VCP: variants seen among roughly 807,000 people sequenced by gnomAD.
VCP encodes valosin containing protein.
In VCP, 6 loss-of-function variants were observed where a neutral mutation model predicts 85.7. The ratio of observed to expected loss-of-function variants is 0.07; its 90% CI spans 0.04 to 0.14. VCP has a LOEUF of 0.14. Ranked by LOEUF, VCP falls within the 10% of genes least tolerant of loss-of-function variation. The pLI is 1.00. For missense variants in VCP, 353 were observed against 1,043.4 expected (o/e 0.34, Z 9.12); for synonymous variants, 384 against 367.1 (o/e 1.05, Z -0.53).
rs12349922 is a variant in VCP at position 35,061,698 on chromosome 9, C to A, written c.1082-9G>T. The A allele has an allele frequency of 1.2e-3, 1,962 of 1,610,278 alleles. 22 individuals are homozygous for A. In the African/African-American group the frequency reaches 0.022, roughly 18 times the overall value. On this transcript the variant is annotated splice_polypyrimidine_tract_variant and intron_variant, in intron 9 of 16. Transcript: ENST00000358901. ...CTCCCTGTCAAAGCGACCTGTGGGA[C>A]AGTACACAAACATAAACAGGGCTCA... is the stretch of plus-strand genomic sequence containing the variant.
rs1828985552 is a variant in VCP at position 35,072,622 on chromosome 9, G to A, written c.-269C>T. The stretch of plus-strand genomic sequence containing the variant: ...ACGACGGTCGCAGACGCTTCGCTGA[G>A]ACTGAGCCGAGAAGAGCCGAATCAT... On this transcript the variant is annotated 5_prime_UTR_variant, in exon 1 of 17. Coordinates refer to ENST00000358901, the MANE Select transcript of VCP (RefSeq NM_007126.5). The A allele has an allele frequency of 4.3e-6, 2 of 461,272 alleles. No individual in the cohort carries two copies. Among genetic ancestry groups the A allele is most frequent in the South Asian group, 3.5e-5 (1 of 28,550 alleles). The allele number at this position is 461,272 out of a possible 1,614,324, so 28.6% of individuals were successfully genotyped here. A position where few individuals can be genotyped will look rare whatever the true frequency, so the allele number is the denominator to read the frequency against.
Position 35,070,835 on chromosome 9 carries a change from C to G in VCP, c.17+1502G>C, listed in dbSNP as rs368589509. On this transcript the variant is annotated intron_variant, in intron 1 of 16. Coordinates refer to ENST00000358901, the MANE Select transcript of VCP (RefSeq NM_007126.5). ...CTGGAGATGAGTGGTATGCCCTTTTCTTAAGGTAAAGCCTCTAATTCCCCA... is the reference window on the plus strand; with the variant it reads ...CTGGAGATGAGTGGTATGCCCTTTTGTTAAGGTAAAGCCTCTAATTCCCCA... 9.8e-5 allele frequency among the ~76,000 whole-genome samples: 15 copies of G among 152,328 alleles called. No homozygotes were observed. The East Asian group carries it at 1.5e-3, about 16-fold the overall frequency.
rs144304208 is a variant in VCP, at chr9:35,060,937, G to A, written c.1360-14C>T. The A allele has an allele frequency of 1.9e-6, 3 of 1,614,184 alleles. No homozygotes were observed. The Admixed American group carries it at 5.0e-5, about 27-fold the overall frequency. On this transcript the variant is annotated splice_polypyrimidine_tract_variant and intron_variant, in intron 11 of 16. Transcript: ENST00000358901. ...GCTCAAGGCCCACTAGAAAAGGAGGGAAAACTGGGGATGAGACTTATCAAG... is the reference window on the plus strand; with the variant it reads ...GCTCAAGGCCCACTAGAAAAGGAGGAAAAACTGGGGATGAGACTTATCAAG...
chr9:35,066,262 CT>C (rs1828828157), intron 4 of VCP, among the ~76,000 whole-genome samples: 3 of 105,564 alleles, frequency 2.8e-5, no homozygotes, highest in African/African-American at 1.1e-4. Flanking sequence ...GAGACCCTGT[CT>C]CTTTTTTTTT....
intron 15 of VCP, among the ~76,000 whole-genome samples, chr9:35,058,095 T>C (rs1828646352): frequency 1.3e-5 from 2 of 152,194 alleles, no homozygotes; most frequent in Admixed American, 1.3e-4. Flanking sequence ...GGGCTGCTTA[T>C]TCCCTTTATT....
chr9:35,071,520 C>T (rs1288937213), intron 1 of VCP, among the ~76,000 whole-genome samples: 2 of 152,086 alleles, frequency 1.3e-5, no homozygotes, highest in African/African-American at 4.8e-5. Context: ...ACCACGAAAC[C>T]TGGAAATCTG....
Position 35,056,706 on chromosome 9 carries a change from G to T in VCP, c.*411C>A. On this transcript the variant is annotated 3_prime_UTR_variant, in exon 17 of 17. Coordinates refer to ENST00000358901, the MANE Select transcript of VCP (RefSeq NM_007126.5). ...TCTATATAAACATCCAGCAACTGTG[G>T]CCCCTACCCACCTACCCAGGTTGGA... The T allele has an allele frequency of 3.8e-6, 1 of 263,018 alleles. No individual in the cohort carries two copies. Among genetic ancestry groups the T allele is most frequent in the East Asian group, 8.9e-5 (1 of 11,206 alleles). 16.3% of individuals were successfully genotyped at this position (263,018 alleles called of 1,614,324 possible).
chr9:35,059,156 T>C lies in VCP; in HGVS notation c.2068A>G (p.Ile690Val), dbSNP rs1205247470. Residue 690 changes from isoleucine to valine, a missense_variant, in exon 15 of 17, where the codon ATT becomes GTT. Physicochemically the swap from Ile to Val is conservative, Grantham distance 29. This residue lies in a region of VCP where 93 missense variants were observed against 197.1 expected (regional missense o/e 0.47). Transcript: ENST00000358901. This position sits in a 1 kb window ranked among gnomAD's most constrained non-coding sequence, Gnocchi z 4.9. ...NGFSGADLTE[I>V]CQRACKLAIR... ...GCCAGCTTGCAAGCACGCTGGCAAATCTCTGTCAGGTCAGCTCCAGAGAAG... is the reference window on the plus strand; with the variant it reads ...GCCAGCTTGCAAGCACGCTGGCAAACCTCTGTCAGGTCAGCTCCAGAGAAG... 1.2e-6 allele frequency: 2 copies of C among 1,614,124 alleles called. No homozygotes were observed.
At position 35,056,974 on chromosome 9, in the gene VCP, G is replaced by A. The variant is rs1275623574; in HGVS notation, c.*143C>T. 1.5e-5 allele frequency: 12 copies of A among 820,128 alleles called. No homozygotes were observed. The highest frequency in any genetic ancestry group is 2.5e-5 in the Non-Finnish European group (12 of 483,118). The allele number at this position is 820,128 out of a possible 1,614,324, so 50.8% of individuals were successfully genotyped here. A position where few individuals can be genotyped will look rare whatever the true frequency, so the allele number is the denominator to read the frequency against. Reference sequence around the variant, plus strand: ...TTTTGCAACAGAAACCCCCTGTCCAGAGTCAGACTGTAGCTGAACTGTTCA... The same window carrying A: ...TTTTGCAACAGAAACCCCCTGTCCAAAGTCAGACTGTAGCTGAACTGTTCA... On this transcript the variant is annotated 3_prime_UTR_variant, in exon 17 of 17. Transcript: ENST00000358901.
intron 3 of VCP, among the ~76,000 whole-genome samples, chr9:35,067,611 A>G (rs1217668900): frequency 1.3e-5 from 2 of 152,222 alleles, no homozygotes; most frequent in Non-Finnish European, 2.9e-5. Context: ...GGATATAAGT[A>G]TGATAAATTA....
In VCP at chr9:35,066,730, G is replaced by C. The variant is rs1587128848; in HGVS notation, c.390C>G (p.Leu130=). Residue 130 remains leucine, a synonymous_variant, in exon 4 of 17, where the codon CTC becomes CTG. Transcript: ENST00000358901. The part of the protein sequence containing the change: ...DDTVEGITGN[L]FEVYLKPYFL... ...AGTACGGCTTAAGGTATACCTCGAA[G>C]AGATTACCAGTAATGCCTTCCACTG... The C allele has an allele frequency of 1.2e-6, 2 of 1,614,174 alleles. No individual in the cohort carries two copies. Among genetic ancestry groups the C allele is most frequent in the Non-Finnish European group, 8.5e-7 (1 of 1,180,038 alleles).
rs1337415717 is a variant in VCP at position 35,072,595 on chromosome 9, A to G, written c.-242T>C. On this transcript the variant is annotated 5_prime_UTR_variant, in exon 1 of 17. Coordinates refer to ENST00000358901, the MANE Select transcript of VCP (RefSeq NM_007126.5). ...GCAGCGGCAGCGGCAGCGACGACTC[A>G]AACGACGGTCGCAGACGCTTCGCTG... 1 of 487,586 alleles carries G rather than the reference A, an allele frequency of 2.1e-6. No individual in the cohort carries two copies. Among genetic ancestry groups the G allele is most frequent in the Admixed American group, 4.4e-5 (1 of 22,628 alleles). 30.2% of individuals were successfully genotyped at this position (487,586 alleles called of 1,614,324 possible). A position where few individuals can be genotyped will look rare whatever the true frequency, so the allele number is the denominator to read the frequency against.
At chr9:35,062,948 G>A (rs749229187) in intron 7 of VCP, 30 bp downstream of exon 7, 1 of 1,612,036 alleles carries the variant, frequency 6.2e-7, no homozygotes, top group Admixed American at 1.7e-5. Context: ...ATTGGGTCTA[G>A]CTAGACATAA....
chr9:35,065,264 G>A lies in VCP; in HGVS notation c.563C>T (p.Pro188Leu). Residue 188 changes from proline to leucine, a missense_variant, in exon 5 of 17, where the codon CCT (proline) becomes CTT (leucine). By Grantham distance (98) the Pro-to-Leu change is moderately conservative. Coordinates refer to ENST00000358901, the MANE Select transcript of VCP (RefSeq NM_007126.5). ...GAGAAAACTCACCTCTCGTTTGATAGGCTCCCCTTCGCAGTGGATCACTGT... is the reference window on the plus strand; with the variant it reads ...GAGAAAACTCACCTCTCGTTTGATAAGCTCCCCTTCGCAGTGGATCACTGT... ...PDTVIHCEGE[P>L]IKREDEEESL... 5.0e-6 allele frequency: 8 copies of A among 1,614,136 alleles called. No homozygotes were observed. The highest frequency in any genetic ancestry group is 6.8e-6 in the Non-Finnish European group (8 of 1,180,024).
intron 15 of VCP, 63 bp from the exon 16 acceptor site, chr9:35,057,593 C>T: frequency 1.3e-6 from 2 of 1,594,946 alleles, no homozygotes; most frequent in Non-Finnish European, 1.7e-6. Flanking sequence ...TCATCCCAGG[C>T]CTCCCATTAC....
In VCP at chr9:35,059,348, T is replaced by C; in HGVS notation, c.2005-129A>G. 2.0e-6 allele frequency: 3 copies of C among 1,530,452 alleles called. No homozygotes were observed. Among genetic ancestry groups the C allele is most frequent in the Non-Finnish European group, 2.7e-6 (3 of 1,127,346 alleles). The allele number at this position is 1,530,452 out of a possible 1,614,324, so 94.8% of individuals were successfully genotyped here. ...GGCCACCCCATTTTATTCCTGATTC[T>C]AGATTATCTTGATATCCTCAAAAAT... On this transcript the variant is annotated intron_variant, in intron 14 of 16. Coordinates refer to ENST00000358901, the MANE Select transcript of VCP (RefSeq NM_007126.5). This position sits in a 1 kb window ranked among gnomAD's most constrained non-coding sequence, Gnocchi z 4.9.
intron 1 of VCP, chr9:35,071,902 G>A (rs1828955533): frequency 1.0e-6 from 1 of 1,001,444 alleles, no homozygotes; most frequent in Non-Finnish European, 1.2e-6. Context: ...GGGCCCGGCT[G>A]GGGCCTCGGG....
Position 35,072,569 on chromosome 9 carries a change from G to A in VCP, c.-216C>T, listed in dbSNP as rs1828982979. On this transcript the variant is annotated 5_prime_UTR_variant, in exon 1 of 17. Coordinates refer to ENST00000358901, the MANE Select transcript of VCP (RefSeq NM_007126.5). ...TGATCCGCGAGGTGGCAGTGGCAGT[G>A]GCAGCGGCAGCGGCAGCGACGACTC... 2 of 506,208 alleles carry A rather than the reference G, an allele frequency of 4.0e-6. No homozygotes were observed. Among genetic ancestry groups the A allele is most frequent in the South Asian group, 6.5e-5 (2 of 30,816 alleles). 31.4% of individuals were successfully genotyped at this position (506,208 alleles called of 1,614,324 possible). A position where few individuals can be genotyped will look rare whatever the true frequency, so the allele number is the denominator to read the frequency against.
chr9:35,063,482 C>G (rs1828767488), intron 6 of VCP, among the ~76,000 whole-genome samples: 1 of 152,218 alleles, frequency 6.6e-6, no homozygotes, highest in South Asian at 2.1e-4. Flanking sequence ...GAGGATCACT[C>G]ACTCCAGTAA....
Sources: allele counts gnomAD v4.1 joint callset (sites outside exome capture counted in the v4.1 genomes callset), GRCh38; gene constraint gnomAD v4.1.1; regional missense constraint gnomAD v4.1.1; non-coding constraint Gnocchi (gnomAD v3.1); transcripts MANE v1.5; gene names NCBI Gene and HGNC (gene_info 2026-07-23, HGNC 2026-07-21).